ADGRL3: variants seen among roughly 807,000 people sequenced by gnomAD.
The protein encoded by ADGRL3 is adhesion G protein-coupled receptor L3, also known as calcium-independent alpha-latrotoxin receptor 3.
ADGRL3 carries 62 observed loss-of-function variants against 153.5 expected under a neutral mutation model. That is an observed-to-expected ratio of 0.40 (90% CI 0.33 to 0.50). The LOEUF is 0.50. Ranked by LOEUF, ADGRL3 falls within the 20% of genes least tolerant of loss-of-function variation. The probability of loss-of-function intolerance (pLI) is 0.47; values close to 1 mark genes in which losing one functional copy is unlikely to be tolerated. For missense variants in ADGRL3, 1,641 were observed against 1,859.4 expected (o/e 0.88, Z 2.16); for synonymous variants, 710 against 672.5 (o/e 1.06, Z -0.86).
intron 22 of ADGRL3, 51 bp from the exon 23 acceptor site, chr4:62,031,391 T>G (rs1721966561): frequency 6.9e-7 from 1 of 1,439,316 alleles, no homozygotes; most frequent in Non-Finnish European, 9.5e-7. Context: ...ATATGGTTGT[T>G]AATTAAAGAT....
intron 13 of ADGRL3, among the ~76,000 whole-genome samples, chr4:61,923,415 G>T (rs1284312576): frequency 6.7e-6 from 1 of 148,612 alleles, no homozygotes; most frequent in Non-Finnish European, 1.5e-5. Context: ...ACCCTACTCA[G>T]CCTGTCCCTT....
At chr4:61,270,788 T>C (rs1348265789) in intron 1 of ADGRL3, among the ~76,000 whole-genome samples, 1 of 151,718 alleles carries the variant, frequency 6.6e-6, no homozygotes, top group Non-Finnish European at 1.5e-5. Context: ...ATTTTCTCTT[T>C]ATGACTTTAC....
At chr4:61,716,178 A>C (rs1377172825) in intron 6 of ADGRL3, among the ~76,000 whole-genome samples, 4 of 152,222 alleles carry the variant, frequency 2.6e-5, no homozygotes, top group Non-Finnish European at 4.4e-5. Context: ...TCAACCAATT[A>C]ACTTTAGCTG....
chr4:61,325,703 T>G (rs2095449993), intron 1 of ADGRL3, among the ~76,000 whole-genome samples: 1 of 152,206 alleles, frequency 6.6e-6, no homozygotes, highest in African/African-American at 2.4e-5. Context: ...TCTTTCCTGC[T>G]AATTTTATGA....
chr4:61,857,006 T>TTCCC (rs2098280379), intron 9 of ADGRL3, among the ~76,000 whole-genome samples: 1 of 112,628 alleles, frequency 8.9e-6, no homozygotes, highest in Non-Finnish European at 1.9e-5. Flanking sequence ...CTTTCTTTCT[T>TTCCC]TCTTTCTTTC....
At chr4:61,229,761 GCT>G (rs1203963296) in intron 1 of ADGRL3, among the ~76,000 whole-genome samples, 1 of 151,950 alleles carries the variant, frequency 6.6e-6, no homozygotes. Flanking sequence ...TAAAAAATTA[GCT>G]CTGTGTGGTG....
At chr4:61,423,531 G>A (rs2097236581) in intron 2 of ADGRL3, among the ~76,000 whole-genome samples, 1 of 152,186 alleles carries the variant, frequency 6.6e-6, no homozygotes, top group South Asian at 2.1e-4. Context: ...CTTGATGAAG[G>A]TATAGGGAGA....
intron 5 of ADGRL3, among the ~76,000 whole-genome samples, chr4:61,593,957 G>A (rs982344701): frequency 8.6e-5 from 13 of 151,798 alleles, no homozygotes; most frequent in African/African-American, 3.1e-4. Context: ...GTTCTTTTGA[G>A]GCTATTTTCT....
chr4:61,628,390 G>A (rs1032883112), intron 5 of ADGRL3, among the ~76,000 whole-genome samples: 6 of 152,052 alleles, frequency 3.9e-5, no homozygotes, highest in Admixed American at 3.3e-4. Context: ...AATGATTAGT[G>A]GGATGAAAAT....
chr4:61,355,322 G>T (rs1031429575), intron 1 of ADGRL3, among the ~76,000 whole-genome samples: 3 of 152,030 alleles, frequency 2.0e-5, no homozygotes, highest in Non-Finnish European at 4.4e-5. Context: ...CTGCTGAAGT[G>T]CCTTTCTCTC....
At chr4:61,898,165 A>T (rs994540656) in intron 11 of ADGRL3, among the ~76,000 whole-genome samples, 2 of 152,130 alleles carry the variant, frequency 1.3e-5, no homozygotes, top group African/African-American at 4.8e-5. Context: ...ACTATCATGT[A>T]AGTCCACCAC....
intron 9 of ADGRL3, among the ~76,000 whole-genome samples, chr4:61,849,891 A>G (rs931204347): frequency 3.3e-5 from 5 of 152,176 alleles, no homozygotes; most frequent in African/African-American, 4.8e-5. Context: ...TTAGGTATAA[A>G]CACATTACAT....
chr4:61,276,401 TTTAAAC>T (rs1446549082), intron 1 of ADGRL3, among the ~76,000 whole-genome samples: 1 of 152,202 alleles, frequency 6.6e-6, no homozygotes, highest in African/African-American at 2.4e-5. Context: ...ATTTGCCTCC[TTTAAAC>T]TTAAAGGAAC....
chr4:61,450,568 T>C (rs569451623), intron 2 of ADGRL3, among the ~76,000 whole-genome samples: 2 of 152,276 alleles, frequency 1.3e-5, no homozygotes, highest in South Asian at 2.1e-4. Flanking sequence ...GACTATCAGG[T>C]TAGTAATTCA....
intron 2 of ADGRL3, among the ~76,000 whole-genome samples, chr4:61,494,555 T>C (rs2098292918): frequency 6.6e-6 from 1 of 152,238 alleles, no homozygotes; most frequent in Non-Finnish European, 1.5e-5. Context: ...TTCTGAGTTA[T>C]ACACTTATGA....
At chr4:61,392,846 A>G (rs1485812515) in intron 2 of ADGRL3, among the ~76,000 whole-genome samples, 3 of 151,900 alleles carry the variant, frequency 2.0e-5, no homozygotes, top group African/African-American at 4.8e-5. Context: ...AATACTAACA[A>G]CAAAACATGA....
chr4:61,292,893 G>T (rs574222205), intron 1 of ADGRL3, among the ~76,000 whole-genome samples: 1 of 152,118 alleles, frequency 6.6e-6, no homozygotes. Flanking sequence ...AACAAAATGC[G>T]TACCTGAGTG....
rs180977113 is a variant in ADGRL3 at position 61,899,431 on chromosome 4, C to A, written c.1887+3597C>A. On this transcript the variant is annotated intron_variant, in intron 11 of 26. Transcript: ENST00000683033. ...TTTCATTCTCCCCTTTACCCTCCCC[C>A]TGCTGCCAGTATAGTTTTGTGAATT... Among the ~76,000 whole-genome samples, 50 of 152,166 alleles carry A rather than the reference C, an allele frequency of 3.3e-4. No homozygotes were observed. The East Asian group carries it at 8.9e-3, about 27-fold the overall frequency.
chr4:61,932,136 A>G (rs2098820194), intron 13 of ADGRL3, among the ~76,000 whole-genome samples: 1 of 152,100 alleles, frequency 6.6e-6, no homozygotes, highest in African/African-American at 2.4e-5. Flanking sequence ...ATCTGCAGAC[A>G]GGGACAATTT....
Sources: gnomAD v4.1 joint callset for allele counts (sites outside exome capture counted in the v4.1 genomes callset) on GRCh38, gnomAD v4.1.1 for gene constraint, MANE v1.5 for transcripts, NCBI Gene and HGNC (gene_info 2026-07-23, HGNC 2026-07-21) for gene names.